Variants in ANKS1B observed in about 807,000 individuals in gnomAD.
ANKS1B encodes the protein ankyrin repeat and sterile alpha motif domain-containing protein 1B.
In ANKS1B, 36 loss-of-function variants were observed where a neutral mutation model predicts 148.3. That is an observed-to-expected ratio of 0.24 (90% CI 0.19 to 0.32). The LOEUF (loss-of-function observed/expected upper bound fraction) is 0.32. Ranked by LOEUF, ANKS1B falls within the 10% of genes least tolerant of loss-of-function variation. The probability of loss-of-function intolerance (pLI) is 1.00; values close to 1 mark genes in which losing one functional copy is unlikely to be tolerated. For missense variants in ANKS1B, 1,157 were observed against 1,542.6 expected, an observed-to-expected ratio of 0.75 and a Z score of 4.19; for synonymous variants, 542 against 560.8, an observed-to-expected ratio of 0.97 and a Z score of 0.47.
intron 22 of ANKS1B, among the ~76,000 whole-genome samples, chr12:98,783,360 C>T (rs1036465513): frequency 1.3e-5 from 2 of 152,152 alleles, no homozygotes; most frequent in East Asian, 1.9e-4. Context: ...GAAAAGAGGG[C>T]TGGAAATGAT....
At chr12:99,974,191 A>G (rs2095597083) in intron 1 of ANKS1B, among the ~76,000 whole-genome samples, 1 of 152,236 alleles carries the variant, frequency 6.6e-6, no homozygotes, top group Non-Finnish European at 1.5e-5. Context: ...TGAAGGCTCA[A>G]ATGATCATTA....
chr12:99,205,060 C>A (rs941312850), intron 14 of ANKS1B, among the ~76,000 whole-genome samples: 2 of 151,910 alleles, frequency 1.3e-5, no homozygotes, highest in African/African-American at 2.4e-5. Flanking sequence ...TGTACCAGGC[C>A]CCCCCCAAAA....
chr12:99,128,643 C>T (rs1255497301), intron 15 of ANKS1B, among the ~76,000 whole-genome samples: 1 of 152,150 alleles, frequency 6.6e-6, no homozygotes, highest in Non-Finnish European at 1.5e-5. Context: ...AATAAATCCT[C>T]AACACTTGAT....
At chr12:99,706,306 GAGA>G (rs2055760543) in intron 8 of ANKS1B, 1 of 151,976 alleles carries the variant, frequency 6.6e-6, no homozygotes, top group African/African-American at 2.4e-5. Flanking sequence ...TTGGGAGGAA[GAGA>G]AGAAGATGGT....
intron 17 of ANKS1B, among the ~76,000 whole-genome samples, chr12:98,997,203 T>C (rs2099930211): frequency 6.6e-6 from 1 of 152,146 alleles, no homozygotes; most frequent in Non-Finnish European, 1.5e-5. Context: ...TAAAAGGATA[T>C]ATACCAAGCT....
chr12:98,968,319 A>G (rs2099880324), intron 17 of ANKS1B, among the ~76,000 whole-genome samples: 1 of 152,164 alleles, frequency 6.6e-6, no homozygotes, highest in Non-Finnish European at 1.5e-5. Context: ...GCAAATTAAC[A>G]GGACCCCCCA....
At chr12:99,903,784 C>G (rs190616164) in intron 1 of ANKS1B, among the ~76,000 whole-genome samples, 1 of 152,002 alleles carries the variant, frequency 6.6e-6, no homozygotes, top group Non-Finnish European at 1.5e-5. Context: ...GAATGTGGTG[C>G]AGTGTATACT....
At chr12:99,342,611 TA>T (rs1421889004) in intron 12 of ANKS1B, among the ~76,000 whole-genome samples, 1 of 152,036 alleles carries the variant, frequency 6.6e-6, no homozygotes, top group East Asian at 1.9e-4. Context: ...TTTGTATATT[TA>T]GAAAAGAAAA....
At chr12:98,907,561 A>G (rs150758954) in intron 17 of ANKS1B, among the ~76,000 whole-genome samples, 106 of 152,176 alleles carry the variant, frequency 7.0e-4, no homozygotes, top group African/African-American at 1.1e-3. Context: ...TCTTCCCCCA[A>G]TGGTGGTGGT....
intron 14 of ANKS1B, among the ~76,000 whole-genome samples, chr12:99,197,101 TGGG>T (rs1201174004): frequency 6.6e-6 from 1 of 152,134 alleles, no homozygotes; most frequent in African/African-American, 2.4e-5. Flanking sequence ...AATGTGGGCC[TGGG>T]TCATAGGTCC....
At chr12:99,105,526 T>G (rs2058978459) in intron 15 of ANKS1B, among the ~76,000 whole-genome samples, 1 of 152,014 alleles carries the variant, frequency 6.6e-6, no homozygotes, top group Admixed American at 6.6e-5. Context: ...CAAAATTTTT[T>G]GGGAGGCCGA....
In ANKS1B at chr12:98,762,812, C is replaced by T. The variant is rs4762510; in HGVS notation, c.3579+10230G>A. 7.9e-3 allele frequency among the ~76,000 whole-genome samples: 1,202 copies of T among 152,338 alleles called. 45 individuals carry two copies. The highest frequency in any genetic ancestry group is 0.066 in the Admixed American group (1,006 of 15,296). ...TTTCTCCTTATAGGGCTGATTCCCC[C>T]AGTTGACTGAGCTCCTTGAGGGCTC... On this transcript the variant is annotated intron_variant, in intron 25 of 26. Coordinates refer to ENST00000683438, the MANE Select transcript of ANKS1B (RefSeq NM_001352186.2).
At chr12:99,026,852 C>T (rs1030233905) in intron 17 of ANKS1B, among the ~76,000 whole-genome samples, 4 of 152,116 alleles carry the variant, frequency 2.6e-5, no homozygotes, top group African/African-American at 9.7e-5. Context: ...CAAAAGGACT[C>T]GCCATAGGAC....
rs145809021 is a variant in ANKS1B, at chr12:99,937,115, A to G, written c.134+46989T>C. 1.9e-3 allele frequency among the ~76,000 whole-genome samples: 289 copies of G among 152,256 alleles called. 4 individuals are homozygous for G. In the Middle Eastern group the frequency reaches 0.02, roughly 11 times the overall value. Reference sequence around the variant, plus strand: ...GTTCCCATCTCCTTCATGATGGCAAATTTCTGGATCTCTCTGAGTGCCCCA... The same window carrying G: ...GTTCCCATCTCCTTCATGATGGCAAGTTTCTGGATCTCTCTGAGTGCCCCA... On this transcript the variant is annotated intron_variant, in intron 1 of 26. Coordinates refer to ENST00000683438, the MANE Select transcript of ANKS1B (RefSeq NM_001352186.2).
chr12:99,935,186 G>A (rs986887188), intron 1 of ANKS1B, among the ~76,000 whole-genome samples: 5 of 152,126 alleles, frequency 3.3e-5, no homozygotes, highest in African/African-American at 9.6e-5. Context: ...CAATAAGGGG[G>A]TGGTCCATGA....
At chr12:99,719,983 G>A (rs1038655696) in intron 8 of ANKS1B, among the ~76,000 whole-genome samples, 17 of 152,028 alleles carry the variant, frequency 1.1e-4, no homozygotes, top group East Asian at 5.8e-4. Context: ...CCCACACAAG[G>A]CAAATGGTTC....
At chr12:99,343,352 T>C (rs2090199816) in intron 12 of ANKS1B, among the ~76,000 whole-genome samples, 3 of 152,032 alleles carry the variant, frequency 2.0e-5, no homozygotes, top group Admixed American at 2.0e-4. Context: ...TTGAAGTTTG[T>C]TTTTTTACAC....
intron 9 of ANKS1B, among the ~76,000 whole-genome samples, chr12:99,513,041 G>C (rs1275572347): frequency 6.6e-6 from 1 of 150,788 alleles, no homozygotes; most frequent in African/African-American, 2.4e-5. Context: ...ATGTACCCTG[G>C]AACTTAAAAG....
At chr12:99,049,828 T>A (rs1371093666) in intron 17 of ANKS1B, among the ~76,000 whole-genome samples, 1 of 152,218 alleles carries the variant, frequency 6.6e-6, no homozygotes, top group Non-Finnish European at 1.5e-5. Context: ...CAAAGGTATT[T>A]AAAAAACAAC....
Sources: allele counts gnomAD v4.1 joint callset (sites outside exome capture counted in the v4.1 genomes callset), GRCh38; gene constraint gnomAD v4.1.1; transcripts MANE v1.5; gene names NCBI Gene and HGNC (gene_info 2026-07-23, HGNC 2026-07-21).